PCDHA3: variants seen among roughly 807,000 people sequenced by gnomAD.
PCDHA3 encodes the protein protocadherin alpha-3.
In PCDHA3, 41 loss-of-function variants were observed where a neutral mutation model predicts 62.2. The ratio of observed to expected loss-of-function variants is 0.66; its 90% CI spans 0.51 to 0.86. The LOEUF is 0.86. PCDHA3 is among the 40% of genes least tolerant of loss of function. The pLI, the probability that PCDHA3 is intolerant of heterozygous loss-of-function variation, is 0.00. For missense variants in PCDHA3, 1,304 were observed against 1,241.2 expected, an observed-to-expected ratio of 1.05 and a Z score of -0.76; for synonymous variants, 640 against 555.4, an observed-to-expected ratio of 1.15 and a Z score of -2.14.
At chr5:140,812,889 T>A (rs2150031351) in intron 1 of PCDHA3, 1 of 152,262 alleles carries the variant, frequency 6.6e-6, no homozygotes, top group East Asian at 1.9e-4. Flanking sequence ...TCAAATGAAA[T>A]TTTGAACAGA....
intron 1 of PCDHA3, among the ~76,000 whole-genome samples, chr5:140,895,413 C>G (rs141941836): frequency 6.6e-6 from 1 of 152,122 alleles, no homozygotes; most frequent in Non-Finnish European, 1.5e-5. Flanking sequence ...GCCCCATAAC[C>G]TTCTTTTGCT....
intron 1 of PCDHA3, chr5:140,822,929 C>T: frequency 6.2e-7 from 1 of 1,614,266 alleles, no homozygotes. Flanking sequence ...GGGCAGGTGA[C>T]CTGCTCCCTA....
At chr5:140,826,515 G>A (rs2150144072) in intron 1 of PCDHA3, among the ~76,000 whole-genome samples, 1 of 152,158 alleles carries the variant, frequency 6.6e-6, no homozygotes, top group Non-Finnish European at 1.5e-5. Flanking sequence ...AGATGATCAT[G>A]TCATTTGAAA....
intron 1 of PCDHA3, chr5:140,824,439 T>C (rs1488626108): frequency 1.0e-5 from 5 of 480,500 alleles, no homozygotes; most frequent in Admixed American, 3.9e-5. Flanking sequence ...AAGTTTCAGT[T>C]TATGACTACA....
chr5:140,830,021 C>A lies in PCDHA3; in HGVS notation c.2394+26430C>A, dbSNP rs2150179777. ...TGTCCTGGACGAAGCGGACTCTCCG[C>A]GCCACCGGCTGCTGGTGCTGGTGAA... On this transcript the variant is annotated intron_variant, in intron 1 of 3. Transcript: ENST00000522353. 4.3e-6 allele frequency: 7 copies of A among 1,613,920 alleles called. 1 individual carries two copies. Among genetic ancestry groups the A allele is most frequent in the Non-Finnish European group, 5.9e-6 (7 of 1,179,918 alleles).
intron 1 of PCDHA3, among the ~76,000 whole-genome samples, chr5:140,907,719 C>A (rs2153502555): frequency 1.3e-5 from 2 of 152,330 alleles, no homozygotes; most frequent in South Asian, 4.1e-4. Flanking sequence ...CCATGTGTAA[C>A]CTCCATCCCT....
In PCDHA3 at chr5:140,900,436, G is replaced by C. The variant is rs553121120; in HGVS notation, c.2395-78513G>C. 8.5e-5 allele frequency among the ~76,000 whole-genome samples: 13 copies of C among 152,126 alleles called. No individual in the cohort carries two copies. The East Asian group carries it at 2.5e-3, about 30-fold the overall frequency. ...GGGATTATAGGCACGTGCCACCACG[G>C]CCGGCTAATTTTTTATTTTTAGTAG... On this transcript the variant is annotated intron_variant, in intron 1 of 3. Transcript: ENST00000522353.
At chr5:140,866,776 T>A (rs1554160548) in intron 1 of PCDHA3, 1 of 152,168 alleles carries the variant, frequency 6.6e-6, no homozygotes, top group African/African-American at 2.4e-5. Flanking sequence ...AGATTGTATG[T>A]CCTGACTGAT....
At chr5:140,892,445 T>C (rs1177566356) in intron 1 of PCDHA3, among the ~76,000 whole-genome samples, 1 of 152,214 alleles carries the variant, frequency 6.6e-6, no homozygotes, top group Non-Finnish European at 1.5e-5. Context: ...AAAATTTACA[T>C]GTATTCTTTA....
At chr5:140,892,588 T>C (rs751167275) in intron 1 of PCDHA3, among the ~76,000 whole-genome samples, 12 of 152,204 alleles carry the variant, frequency 7.9e-5, no homozygotes, top group Non-Finnish European at 1.8e-4. Flanking sequence ...TCAGTATTCA[T>C]TCACCTATTT....
At chr5:140,915,781 A>C (rs2153536351) in intron 1 of PCDHA3, among the ~76,000 whole-genome samples, 1 of 152,104 alleles carries the variant, frequency 6.6e-6, no homozygotes, top group South Asian at 2.1e-4. Flanking sequence ...GGCCTGCTGT[A>C]ACCACTACCT....
chr5:140,836,709 C>A, intron 1 of PCDHA3: 2 of 1,613,210 alleles, frequency 1.2e-6, no homozygotes, highest in Non-Finnish European at 1.7e-6. Context: ...CAGTCCCAGC[C>A]TTCCTCAGGG....
At chr5:140,992,017 C>CTGTGTGTGTGTGTG (rs10602499) in intron 3 of PCDHA3, among the ~76,000 whole-genome samples, 1 of 145,628 alleles carries the variant, frequency 6.9e-6, no homozygotes, top group African/African-American at 2.5e-5. Flanking sequence ...AGAGGTGGCT[C>CTGTGTGTGTGTGTG]TGTGTGTGTG....
chr5:140,949,335 C>T (rs1388078558), intron 1 of PCDHA3, among the ~76,000 whole-genome samples: 1 of 151,586 alleles, frequency 6.6e-6, no homozygotes, highest in Non-Finnish European at 1.5e-5. Flanking sequence ...TATTGTTATC[C>T]AGATTTTCTG....
At chr5:140,863,405 C>T (rs1554158176) in intron 1 of PCDHA3, 11 of 799,522 alleles carry the variant, frequency 1.4e-5, no homozygotes, top group Non-Finnish European at 2.3e-5. Context: ...GGCAAGCCCA[C>T]GCTGGTGTAC....
chr5:140,978,806 C>G (rs1554239758), intron 1 of PCDHA3, 143 bp from the exon 2 acceptor site: 2 of 1,492,474 alleles, frequency 1.3e-6, no homozygotes, highest in Non-Finnish European at 1.8e-6. Context: ...TAGATATCAT[C>G]ATAGAGTTAC....
At chr5:140,918,432 T>C (rs1462854272) in intron 1 of PCDHA3, among the ~76,000 whole-genome samples, 2 of 152,204 alleles carry the variant, frequency 1.3e-5, no homozygotes, top group Non-Finnish European at 2.9e-5. Context: ...GGATGTTGAA[T>C]AGGAGTGGTG....
chr5:140,887,707 C>A (rs1554183190), intron 1 of PCDHA3, among the ~76,000 whole-genome samples: 1 of 152,132 alleles, frequency 6.6e-6, no homozygotes, highest in African/African-American at 2.4e-5. Context: ...AACCATACTT[C>A]TTCTAATAGT....
chr5:140,830,088 T>C, intron 1 of PCDHA3: 13 of 1,613,512 alleles, frequency 8.1e-6, no homozygotes, highest in Non-Finnish European at 1.1e-5. Flanking sequence ...GCCACGGTTC[T>C]GGTGTCGCTG....
Sources: allele counts gnomAD v4.1 joint callset (sites outside exome capture counted in the v4.1 genomes callset), GRCh38; gene constraint gnomAD v4.1.1; transcripts MANE v1.5; gene names NCBI Gene and HGNC (gene_info 2026-07-23, HGNC 2026-07-21).